IGSF21: variants seen among roughly 807,000 people sequenced by gnomAD.
IGSF21 encodes immunoglobulin superfamily member 21.
Under a neutral mutation model 46.8 loss-of-function variants are expected in IGSF21, and 28 were observed. The observed-to-expected ratio is 0.60, with a 90% CI of 0.44 to 0.82. The LOEUF (loss-of-function observed/expected upper bound fraction) is 0.82. IGSF21 is among the 40% of genes least tolerant of loss of function. The pLI is 0.00. For missense variants in IGSF21, 624 were observed against 665.5 expected, an observed-to-expected ratio of 0.94 and a Z score of 0.69; for synonymous variants, 284 against 273.6, an observed-to-expected ratio of 1.04 and a Z score of -0.38.
At chr1:18,173,615 C>T (rs774799581) in intron 1 of IGSF21, among the ~76,000 whole-genome samples, 3 of 152,212 alleles carry the variant, frequency 2.0e-5, no homozygotes, top group Non-Finnish European at 4.4e-5. Flanking sequence ...TGGCATGATG[C>T]TTTGGAGATT....
intron 6 of IGSF21, among the ~76,000 whole-genome samples, chr1:18,367,005 C>T (rs1402530097): frequency 6.6e-6 from 1 of 152,180 alleles, no homozygotes. Flanking sequence ...TGTGCTTGTC[C>T]TTTCCCCTAT....
chr1:18,118,984 G>A (rs2086210954), intron 1 of IGSF21, among the ~76,000 whole-genome samples: 1 of 133,298 alleles, frequency 7.5e-6, no homozygotes, highest in Non-Finnish European at 1.5e-5. Flanking sequence ...GTTGAAATCA[G>A]CTAAATAGAA....
intron 4 of IGSF21, among the ~76,000 whole-genome samples, chr1:18,360,898 G>A (rs2086093090): frequency 6.6e-6 from 1 of 152,190 alleles, no homozygotes; most frequent in African/African-American, 2.4e-5. Flanking sequence ...CCAAGCACGT[G>A]GAGGTGGTGG....
chr1:18,266,672 G>T (rs755249777), intron 2 of IGSF21, among the ~76,000 whole-genome samples: 1 of 152,232 alleles, frequency 6.6e-6, no homozygotes, highest in Non-Finnish European at 1.5e-5. Context: ...TCACCTCCCT[G>T]TTGGCCAGAG....
rs576614648 is a variant in IGSF21, at chr1:18,286,952, C to T, written c.184-4914C>T. On this transcript the variant is annotated intron_variant, in intron 2 of 9. Coordinates refer to ENST00000251296, the MANE Select transcript of IGSF21 (RefSeq NM_032880.5). ...ATCCCAGCACTTTGGGAGGCCGAGG[C>T]GGGCGGATCACGAGGTCAGGAGATC... 1.2e-3 allele frequency among the ~76,000 whole-genome samples: 182 copies of T among 152,118 alleles called. 4 individuals are homozygous for T. The highest frequency in any genetic ancestry group is 1.6e-3 in the Admixed American group (25 of 15,288).
chr1:18,133,407 C>T (rs958343667), intron 1 of IGSF21, among the ~76,000 whole-genome samples: 11 of 152,244 alleles, frequency 7.2e-5, no homozygotes, highest in African/African-American at 2.4e-4. Context: ...ACTACACAGC[C>T]GCTGTGTGGC....
chr1:18,173,676 A>G (rs905983220), intron 1 of IGSF21, among the ~76,000 whole-genome samples: 3 of 152,220 alleles, frequency 2.0e-5, no homozygotes, highest in African/African-American at 7.2e-5. Flanking sequence ...ATTGCTGTGT[A>G]GTATTCTGTT....
At chr1:18,140,199 C>A (rs61766496) in intron 1 of IGSF21, among the ~76,000 whole-genome samples, 13,736 of 152,254 alleles carry the variant, frequency 0.09, 689 homozygotes, top group Middle Eastern at 0.18. Context: ...TCTCTCCACT[C>A]GGCATCCCAG....
At chr1:18,161,557 C>T (rs551641372) in intron 1 of IGSF21, among the ~76,000 whole-genome samples, 11 of 152,100 alleles carry the variant, frequency 7.2e-5, no homozygotes, top group Non-Finnish European at 1.3e-4. Flanking sequence ...TTGCAAGCGC[C>T]CATTCCAAGT....
chr1:18,254,426 G>GACCT (rs1569641734), intron 2 of IGSF21, among the ~76,000 whole-genome samples: 58 of 152,038 alleles, frequency 3.8e-4, no homozygotes, highest in African/African-American at 1.3e-3. Context: ...ACTGGATCTA[G>GACCT]GTATCTTTAA....
intron 1 of IGSF21, among the ~76,000 whole-genome samples, chr1:18,162,874 A>G (rs911208560): frequency 6.6e-6 from 1 of 152,164 alleles, no homozygotes; most frequent in African/African-American, 2.4e-5. Flanking sequence ...CCTGGGGACA[A>G]TGATGGTAAG....
intron 1 of IGSF21, among the ~76,000 whole-genome samples, chr1:18,220,928 G>A (rs976499153): frequency 1.3e-5 from 2 of 152,200 alleles, no homozygotes; most frequent in Non-Finnish European, 2.9e-5. Context: ...TCCCTGCTGG[G>A]AGGATGTGCA....
At chr1:18,197,776 C>A (rs1263500954) in intron 1 of IGSF21, among the ~76,000 whole-genome samples, 1 of 152,208 alleles carries the variant, frequency 6.6e-6, no homozygotes, top group Admixed American at 6.5e-5. Context: ...GGGAAATAAC[C>A]AAGACTACCT....
At chr1:18,311,857 TC>T (rs1361726936) in intron 3 of IGSF21, among the ~76,000 whole-genome samples, 11 of 152,112 alleles carry the variant, frequency 7.2e-5, no homozygotes, top group African/African-American at 2.7e-4. Context: ...TTCAATTATT[TC>T]CCACCGGGCC....
At chr1:18,288,121 G>T (rs1010923280) in intron 2 of IGSF21, among the ~76,000 whole-genome samples, 15 of 152,178 alleles carry the variant, frequency 9.9e-5, no homozygotes, top group African/African-American at 3.4e-4. Flanking sequence ...GAGACTAGGG[G>T]AGGTGGAATG....
chr1:18,269,876 C>T (rs2085026180), intron 2 of IGSF21, among the ~76,000 whole-genome samples: 1 of 152,214 alleles, frequency 6.6e-6, no homozygotes, highest in Non-Finnish European at 1.5e-5. Context: ...TTAGGCAAGT[C>T]CTTTTCCCTC....
chr1:18,237,101 G>GTCTT (rs1405336018), intron 2 of IGSF21, among the ~76,000 whole-genome samples: 2 of 152,212 alleles, frequency 1.3e-5, no homozygotes, highest in African/African-American at 4.8e-5. Flanking sequence ...CAAGCCCACT[G>GTCTT]TCTTTTCCTA....
intron 2 of IGSF21, among the ~76,000 whole-genome samples, chr1:18,281,915 T>G (rs1008256990): frequency 8.5e-5 from 13 of 152,114 alleles, no homozygotes; most frequent in Non-Finnish European, 1.3e-4. Context: ...CATCTGGATT[T>G]GGGGGTGTGG....
chr1:18,195,638 T>C (rs1328918257), intron 1 of IGSF21, among the ~76,000 whole-genome samples: 1 of 152,190 alleles, frequency 6.6e-6, no homozygotes, highest in Admixed American at 6.5e-5. Context: ...GGCGTTCTCT[T>C]TGGACCTCCT....
Sources: gnomAD v4.1 joint callset for allele counts (sites outside exome capture counted in the v4.1 genomes callset) on GRCh38, gnomAD v4.1.1 for gene constraint, MANE v1.5 for transcripts, NCBI Gene and HGNC (gene_info 2026-07-23, HGNC 2026-07-21) for gene names.